Variants in DZIP3 observed in about 807,000 individuals in gnomAD.
The protein encoded by DZIP3 is E3 ubiquitin-protein ligase DZIP3.
In DZIP3, 118 loss-of-function variants were observed where a neutral mutation model predicts 162.0. The ratio of observed to expected loss-of-function variants is 0.73; its 90% CI spans 0.63 to 0.85. The LOEUF (loss-of-function observed/expected upper bound fraction) is 0.85, where lower values mean the gene tolerates loss of function less well. Among genes scored for constraint, DZIP3 ranks in the 40% least tolerant of loss-of-function variants. The probability of loss-of-function intolerance (pLI) is 0.00; values close to 1 mark genes in which losing one functional copy is unlikely to be tolerated. For synonymous variants in DZIP3, 438 were observed against 458.6 expected (o/e 0.96, Z 0.57); for missense variants, 1,331 against 1,407.0 (o/e 0.95, Z 0.86).
At chr3:108,600,325 T>A (rs2107454675) in intron 1 of DZIP3, among the ~76,000 whole-genome samples, 1 of 150,288 alleles carries the variant, frequency 6.7e-6, no homozygotes, top group African/African-American at 2.5e-5. Flanking sequence ...GTGGTGGTAT[T>A]ACAGCATTGT....
intron 25 of DZIP3, 122 bp downstream of exon 25, chr3:108,675,995 A>G (rs1944095688): frequency 2.4e-6 from 2 of 818,840 alleles, no homozygotes; most frequent in Non-Finnish European, 3.8e-6. Context: ...ATAAAAGTTT[A>G]TGCCTTCACT....
chr3:108,655,179 A>C (rs907266113), intron 19 of DZIP3, among the ~76,000 whole-genome samples: 1 of 152,222 alleles, frequency 6.6e-6, no homozygotes, highest in African/African-American at 2.4e-5. Flanking sequence ...ATACCTTTAA[A>C]AAAAGTTTAT....
intron 12 of DZIP3, among the ~76,000 whole-genome samples, chr3:108,640,169 G>A (rs1482635700): frequency 6.6e-6 from 1 of 151,796 alleles, no homozygotes; most frequent in Non-Finnish European, 1.5e-5. Flanking sequence ...TGTTCTACTT[G>A]GATTTGTAAA....
At chr3:108,682,934 C>T (rs1267361505) in intron 26 of DZIP3, among the ~76,000 whole-genome samples, 1 of 150,760 alleles carries the variant, frequency 6.6e-6, no homozygotes, top group Non-Finnish European at 1.5e-5. Context: ...TAGTGGTTCT[C>T]AAACAGAGCA....
At chr3:108,618,919 G>T (rs1941168349) in intron 5 of DZIP3, among the ~76,000 whole-genome samples, 1 of 151,808 alleles carries the variant, frequency 6.6e-6, no homozygotes, top group African/African-American at 2.4e-5. Flanking sequence ...AAATTAGCCA[G>T]GTGTGGTGGC....
chr3:108,631,053 A>ACTCTCTCTCTCTCTCTCTCT (rs1559741298), intron 8 of DZIP3, among the ~76,000 whole-genome samples: 7 of 32,286 alleles, frequency 2.2e-4, no homozygotes, highest in Admixed American at 9.1e-4. Context: ...ACACACACAC[A>ACTCTCTCTCTCTCTCTCTCT]CACTCTCTCT....
At chr3:108,657,255 A>G (rs1196718397) in intron 19 of DZIP3, among the ~76,000 whole-genome samples, 1 of 152,170 alleles carries the variant, frequency 6.6e-6, no homozygotes, top group Non-Finnish European at 1.5e-5. Context: ...CGGGTTACCC[A>G]CAAAGGGAAG....
chr3:108,637,164 T>A (rs1203171813), intron 11 of DZIP3, among the ~76,000 whole-genome samples: 3 of 152,010 alleles, frequency 2.0e-5, no homozygotes. Flanking sequence ...ATGAAATATC[T>A]TGTTGAATTT....
At chr3:108,591,455 G>T (rs549348639) in intron 1 of DZIP3, among the ~76,000 whole-genome samples, 1 of 152,204 alleles carries the variant, frequency 6.6e-6, no homozygotes. Context: ...AGGGTAATGC[G>T]CAAAGCTGCG....
intron 26 of DZIP3, among the ~76,000 whole-genome samples, chr3:108,680,978 ACCTAAAAC>A (rs1944285573): frequency 6.6e-6 from 1 of 152,200 alleles, no homozygotes; most frequent in African/African-American, 2.4e-5. Flanking sequence ...TAAATGTAAG[ACCTAAAAC>A]CCTAAAACCC....
chr3:108,640,447 CT>C (rs752907153), intron 12 of DZIP3, among the ~76,000 whole-genome samples: 295 of 116,112 alleles, frequency 2.5e-3, no homozygotes, highest in African/African-American at 5.0e-3. Flanking sequence ...ATTTAACATC[CT>C]TTTTTTTTTT....
chr3:108,663,097 A>G (rs990171899), intron 21 of DZIP3, among the ~76,000 whole-genome samples: 1 of 152,196 alleles, frequency 6.6e-6, no homozygotes, highest in South Asian at 2.1e-4. Context: ...CTACTACATG[A>G]AGGGGTTATC....
chr3:108,628,119 C>T (rs936216504), intron 7 of DZIP3, among the ~76,000 whole-genome samples: 8 of 152,124 alleles, frequency 5.3e-5, no homozygotes, highest in African/African-American at 1.4e-4. Context: ...TCTCGTGATC[C>T]GCCCACCTCG....
In DZIP3 at chr3:108,637,552, A is replaced by G. The variant is rs1942211999; in HGVS notation, c.1064+4A>G. 1 of 1,607,548 alleles carries G rather than the reference A, an allele frequency of 6.2e-7. No individual in the cohort carries two copies. The highest frequency in any genetic ancestry group is 1.3e-5 in the African/African-American group (1 of 74,768). ...CCATTGAAAATTTAGGAGCAAGGTAAGCTTAAAATAAAATACTCTGTTACC... is the reference window on the plus strand; with the variant it reads ...CCATTGAAAATTTAGGAGCAAGGTAGGCTTAAAATAAAATACTCTGTTACC... On this transcript the variant is annotated splice_donor_region_variant and intron_variant, in intron 12 of 32. Coordinates refer to ENST00000361582, the MANE Select transcript of DZIP3 (RefSeq NM_014648.4).
At chr3:108,660,482 C>T (rs76684474) in intron 19 of DZIP3, among the ~76,000 whole-genome samples, 2,461 of 151,370 alleles carry the variant, frequency 0.016, 73 homozygotes, top group African/African-American at 0.057. Flanking sequence ...TGTACAAAAA[C>T]CAATTCAAGA....
At chr3:108,661,789 G>A (rs1943447738) in intron 19 of DZIP3, 88 bp from the exon 20 acceptor site, 2 of 971,818 alleles carry the variant, frequency 2.1e-6, no homozygotes, top group Non-Finnish European at 3.1e-6. Context: ...AACGTGAAAG[G>A]AGTTAGATGG....
In DZIP3 at chr3:108,653,200, T is replaced by C. The variant is rs374934350; in HGVS notation, c.2034-945T>C. On this transcript the variant is annotated intron_variant, in intron 18 of 32. Coordinates refer to ENST00000361582, the MANE Select transcript of DZIP3 (RefSeq NM_014648.4). ...TCAGAATGTTTGGGTCACTCTAGAA[T>C]ACCTCAGTAATACCTAATTACTGCT... is the stretch of plus-strand genomic sequence containing the variant. 7.2e-5 allele frequency among the ~76,000 whole-genome samples: 11 copies of C among 151,948 alleles called. No homozygotes were observed. In the East Asian group the frequency reaches 1.2e-3, roughly 16 times the overall value.
chr3:108,621,260 A>C (rs1941320890), intron 5 of DZIP3, among the ~76,000 whole-genome samples: 1 of 152,162 alleles, frequency 6.6e-6, no homozygotes, highest in Non-Finnish European at 1.5e-5. Context: ...TAATGTAACA[A>C]ATTTTTATAC....
intron 27 of DZIP3, among the ~76,000 whole-genome samples, chr3:108,685,522 G>T (rs10804469): frequency 6.6e-6 from 1 of 152,026 alleles, no homozygotes; most frequent in South Asian, 2.1e-4. Flanking sequence ...GTAATCAGAT[G>T]AGCACTCCAA....
Sources: gnomAD v4.1 joint callset for allele counts (sites outside exome capture counted in the v4.1 genomes callset) on GRCh38, gnomAD v4.1.1 for gene constraint, MANE v1.5 for transcripts, NCBI Gene and HGNC (gene_info 2026-07-23, HGNC 2026-07-21) for gene names.